DGKH: variants seen among roughly 807,000 people sequenced by gnomAD.
DGKH encodes DAG kinase eta.
In DGKH, 90 loss-of-function variants were observed where a neutral mutation model predicts 159.3. The observed-to-expected ratio is 0.57, with a 90% confidence interval of 0.48 to 0.67. The LOEUF is 0.67. Among genes scored for constraint, DGKH ranks in the 30% least tolerant of loss-of-function variants. The pLI, the probability that DGKH is intolerant of heterozygous loss-of-function variation, is 0.00. For synonymous variants in DGKH, 536 were observed against 553.8 expected (o/e 0.97, Z 0.45); for missense variants, 1,181 against 1,506.1 (o/e 0.78, Z 3.57).
intron 1 of DGKH, among the ~76,000 whole-genome samples, chr13:42,076,691 C>T (rs1023256409): frequency 5.3e-5 from 8 of 152,076 alleles, no homozygotes; most frequent in Admixed American, 5.2e-4. Context: ...AATTATTTTA[C>T]CACAAATAAT....
At chr13:42,137,106 A>G (rs1955417289) in intron 3 of DGKH, among the ~76,000 whole-genome samples, 1 of 152,176 alleles carries the variant, frequency 6.6e-6, no homozygotes, top group African/African-American at 2.4e-5. Flanking sequence ...CCTCTCAGTT[A>G]ATACAGTTTA....
chr13:42,055,992 A>G (rs1881729265), intron 1 of DGKH, among the ~76,000 whole-genome samples: 1 of 152,218 alleles, frequency 6.6e-6, no homozygotes, highest in Admixed American at 6.5e-5. Context: ...TCTATAAAAC[A>G]TTAAAAAATA....
At chr13:42,217,191 C>T (rs190762234) in intron 26 of DGKH, among the ~76,000 whole-genome samples, 58 of 152,228 alleles carry the variant, frequency 3.8e-4, no homozygotes, top group African/African-American at 1.1e-3. Flanking sequence ...CCATTTTATA[C>T]GTTTTATAAC....
At chr13:42,247,069 C>T (rs1958586202), downstream of DGKH, among the ~76,000 whole-genome samples, 1 of 152,106 alleles carries the variant, frequency 6.6e-6, no homozygotes, top group Non-Finnish European at 1.5e-5. Flanking sequence ...TGTAGTACAA[C>T]ACATTACTCT....
chr13:42,168,604 C>A (rs939695908), intron 10 of DGKH, 56 bp downstream of exon 10: 1 of 1,613,102 alleles, frequency 6.2e-7, no homozygotes, highest in Admixed American at 1.7e-5. Context: ...AACATACTTA[C>A]CAGAGAGGTG....
At position 42,242,341 on chromosome 13, in the gene DGKH, G is replaced by C. The variant is rs1958529558; in HGVS notation, c.*13153G>C. 6.6e-6 allele frequency: 1 copy of C among 152,198 alleles called. No individual in the cohort carries two copies. The allele number at this position is 152,198 out of a possible 1,614,324, so 9.4% of individuals were successfully genotyped here. On this transcript the variant is annotated 3_prime_UTR_variant, in exon 30 of 30. Transcript: ENST00000337343. The stretch of plus-strand genomic sequence containing the variant: ...TAGTCTGTTTTGAAACTAAGCACTT[G>C]TGTCTGAAAGATGCAGATAATATCT...
At chr13:42,142,377 G>A (rs9533008) in intron 3 of DGKH, among the ~76,000 whole-genome samples, 53,148 of 149,078 alleles carry the variant, frequency 0.36, 10,299 homozygotes, top group South Asian at 0.44. Flanking sequence ...TTGGCAATGC[G>A]GGCTCTTTTT....
chr13:42,067,520 G>GAA (rs1029357826), intron 1 of DGKH, among the ~76,000 whole-genome samples: 10 of 152,202 alleles, frequency 6.6e-5, no homozygotes, highest in Middle Eastern at 3.4e-3. Flanking sequence ...TCATGTCATA[G>GAA]AAAAATGTCT....
At chr13:42,172,130 T>G (rs1350029639) in intron 11 of DGKH, among the ~76,000 whole-genome samples, 1 of 150,916 alleles carries the variant, frequency 6.6e-6, no homozygotes, top group Non-Finnish European at 1.5e-5. Flanking sequence ...ACCCAGCCTC[T>G]TTTTTTTGAG....
At position 42,213,625 on chromosome 13, in the gene DGKH, A is replaced by T. The variant is rs140709451; in HGVS notation, c.3015-882A>T. On this transcript the variant is annotated intron_variant, in intron 24 of 29. Transcript: ENST00000337343. ...TTGTGCCTTAGATATCCATTGTATA[A>T]TCCTTAAGAATTAAATTCTTTTTCT... 3.6e-3 allele frequency among the ~76,000 whole-genome samples: 546 copies of T among 152,218 alleles called. 8 individuals carry two copies. In the East Asian group the frequency reaches 0.048, roughly 14 times the overall value.
intron 20 of DGKH, among the ~76,000 whole-genome samples, chr13:42,203,311 A>G (rs1167290330): frequency 3.3e-5 from 5 of 152,238 alleles, no homozygotes; most frequent in Non-Finnish European, 5.9e-5. Flanking sequence ...ACAGCTGATA[A>G]GTGGAAGAGC....
In DGKH at chr13:42,048,875, G is replaced by A. The variant is rs764662790; in HGVS notation, c.102G>A (p.Pro34=). The A allele has an allele frequency of 2.9e-6, 4 of 1,375,230 alleles. No individual in the cohort carries two copies. The highest frequency in any genetic ancestry group is 2.8e-6 in the Non-Finnish European group (3 of 1,059,764). 85.2% of individuals were successfully genotyped at this position (1,375,230 alleles called of 1,614,324 possible). A position where few individuals can be genotyped will look rare whatever the true frequency, so the allele number is the denominator to read the frequency against. ...AVTSAAASAG[P]GEDSSDSEAE... is the part of the protein sequence containing the mutation. The stretch of plus-strand genomic sequence containing the variant: ...CCTCCGCCGCTGCCTCGGCGGGGCC[G>A]GGAGAGGATTCGTCTGACAGCGAAG... Residue 34 remains proline, a synonymous_variant, in exon 1 of 30, where the codon CCG becomes CCA. Transcript: ENST00000337343. The surrounding 1 kb of genome is among the most constrained non-coding windows in gnomAD (Gnocchi z 6.7).
Position 42,239,719 on chromosome 13 carries a change from A to C in DGKH, c.*10531A>C, listed in dbSNP as rs1958482627. On this transcript the variant is annotated 3_prime_UTR_variant, in exon 30 of 30. Coordinates refer to ENST00000337343, the MANE Select transcript of DGKH (RefSeq NM_178009.5). The stretch of plus-strand genomic sequence containing the variant: ...TCTTTCCCACCAGAGTGGTCTCTCT[A>C]AAACAAATTTGCTAAAGTTCTTAAG... 1 of 152,520 alleles carries C rather than the reference A, an allele frequency of 6.6e-6. No homozygotes were observed. The highest frequency in any genetic ancestry group is 2.4e-5 in the African/African-American group (1 of 41,416). 9.4% of individuals were successfully genotyped at this position (152,520 alleles called of 1,614,324 possible).
At chr13:42,108,318 A>G (rs1954799315) in intron 1 of DGKH, among the ~76,000 whole-genome samples, 1 of 152,098 alleles carries the variant, frequency 6.6e-6, no homozygotes, top group African/African-American at 2.4e-5. Context: ...AGGGAAAATA[A>G]ATTTAAGGGT....
At position 42,214,565 on chromosome 13, in the gene DGKH, A is replaced by G. The variant is rs1453106584; in HGVS notation, c.3073A>G (p.Asn1025Asp). The change falls in exon 25 of 30, where the codon AAT becomes GAT. Residue 1025 changes from asparagine to aspartate, a missense_variant. Asn to Asp is a conservative substitution (Grantham distance 23). Transcript: ENST00000337343. ...LLEQELAHAVNACSHALNKAN... is the reference protein window; with the variant it reads ...LLEQELAHAVDACSHALNKAN... ...GGAGCAAGAACTGGCCCATGCTGTG[A>G]ATGCCTGCTCCCATGCCCTGAATAA... 6.2e-7 allele frequency: 1 copy of G among 1,613,720 alleles called. No homozygotes were observed. Among genetic ancestry groups the G allele is most frequent in the South Asian group, 1.1e-5 (1 of 91,010 alleles).
chr13:42,186,404 G>A (rs971401529), intron 13 of DGKH, among the ~76,000 whole-genome samples: 1 of 152,030 alleles, frequency 6.6e-6, no homozygotes, highest in African/African-American at 2.4e-5. Context: ...TATTTCTATC[G>A]CAAAGAAGCC....
chr13:42,187,942 A>G (rs981508493), intron 14 of DGKH, among the ~76,000 whole-genome samples: 2 of 152,182 alleles, frequency 1.3e-5, no homozygotes, highest in African/African-American at 4.8e-5. Context: ...AAAAACTACC[A>G]TCTTTGCTTT....
intron 29 of DGKH, among the ~76,000 whole-genome samples, chr13:42,224,008 G>A (rs1054051545): frequency 1.3e-5 from 2 of 152,050 alleles, no homozygotes; most frequent in Non-Finnish European, 2.9e-5. Context: ...GTCTTCCCGT[G>A]TCTTCTTGTT....
intron 26 of DGKH, among the ~76,000 whole-genome samples, chr13:42,215,873 G>A (rs568212171): frequency 6.6e-6 from 1 of 152,322 alleles, no homozygotes; most frequent in South Asian, 2.1e-4. Flanking sequence ...CAGGAGTGGA[G>A]ATTTCCCCTC....
Sources: gnomAD v4.1 joint callset for allele counts (sites outside exome capture counted in the v4.1 genomes callset) on GRCh38, gnomAD v4.1.1 for gene constraint, Gnocchi (gnomAD v3.1) non-coding constraint, MANE v1.5 for transcripts, NCBI Gene and HGNC (gene_info 2026-07-23, HGNC 2026-07-21) for gene names.